Variants in PITPNB observed in about 807,000 individuals in gnomAD.
The protein encoded by PITPNB is phosphatidylinositol transfer protein beta.
A neutral mutation model predicts 45.9 loss-of-function variants in PITPNB; 16 were observed. That is an observed-to-expected ratio of 0.35 (90% confidence interval 0.24 to 0.53). The LOEUF is 0.53. PITPNB is among the 20% of genes least tolerant of loss of function. The pLI, the probability that PITPNB is intolerant of heterozygous loss-of-function variation, is 0.93. For synonymous variants in PITPNB, 112 were observed against 108.9 expected, an observed-to-expected ratio of 1.03 and a Z score of -0.18; for missense variants, 188 against 330.5, an observed-to-expected ratio of 0.57 and a Z score of 3.34.
intron 3 of PITPNB, among the ~76,000 whole-genome samples, chr22:27,904,361 A>G (rs1348905112): frequency 6.6e-6 from 1 of 152,264 alleles, no homozygotes; most frequent in Non-Finnish European, 1.5e-5. Context: ...GCTAAGTGAA[A>G]GAAGTCAATC....
chr22:27,902,536 T>C (rs770483185), intron 3 of PITPNB, among the ~76,000 whole-genome samples: 29 of 152,138 alleles, frequency 1.9e-4, no homozygotes, highest in Non-Finnish European at 2.8e-4. Context: ...TTGAGTTAAT[T>C]GCAAAAATTA....
rs541258268 is a variant in PITPNB at position 27,878,997 on chromosome 22, G to T, written c.457-5182C>A. 1.2e-4 allele frequency among the ~76,000 whole-genome samples: 18 copies of T among 151,898 alleles called. 1 individual carries two copies. Among genetic ancestry groups the T allele is most frequent in the Non-Finnish European group, 1.0e-4 (7 of 68,002 alleles). On this transcript the variant is annotated intron_variant, in intron 7 of 11. Transcript: ENST00000335272. ...TTTAAACAACTGTATTGAGAACTGA[G>T]AAATGCAGTCAAATCTACACCCCTG...
At chr22:27,871,883 G>A (rs895713923) in intron 8 of PITPNB, among the ~76,000 whole-genome samples, 1 of 151,922 alleles carries the variant, frequency 6.6e-6, no homozygotes, top group African/African-American at 2.4e-5. Flanking sequence ...GGTGATAAGT[G>A]AGCTCTCACT....
chr22:27,857,305 TATAAG>T (rs1934201382), intron 10 of PITPNB, among the ~76,000 whole-genome samples: 3 of 152,234 alleles, frequency 2.0e-5, no homozygotes, highest in African/African-American at 4.8e-5. Context: ...TTACTTTATG[TATAAG>T]ATAAGGTTAA....
intron 3 of PITPNB, among the ~76,000 whole-genome samples, chr22:27,907,081 G>C (rs750215753): frequency 1.3e-5 from 2 of 152,198 alleles, no homozygotes; most frequent in Non-Finnish European, 2.9e-5. Flanking sequence ...TTTTATTGAT[G>C]TTATATAGTG....
intron 3 of PITPNB, among the ~76,000 whole-genome samples, chr22:27,904,496 T>G (rs1416153924): frequency 6.6e-6 from 1 of 152,234 alleles, no homozygotes; most frequent in Non-Finnish European, 1.5e-5. Context: ...TGACTGCTAA[T>G]GAATACGAGA....
chr22:27,872,291 A>G (rs540921756), intron 8 of PITPNB, among the ~76,000 whole-genome samples: 34 of 151,830 alleles, frequency 2.2e-4, no homozygotes, highest in Non-Finnish European at 3.8e-4. Flanking sequence ...ATGGGGTTTC[A>G]ACATGTTGCC....
Position 27,866,306 on chromosome 22 carries a change from C to T in PITPNB, c.535-6065G>A, listed in dbSNP as rs368983256. Among the ~76,000 whole-genome samples, 12 of 152,282 alleles carry T rather than the reference C, an allele frequency of 7.9e-5. No individual in the cohort carries two copies. The East Asian group carries it at 1.2e-3, about 15-fold the overall frequency. On this transcript the variant is annotated intron_variant, in intron 8 of 11. Coordinates refer to ENST00000335272, the MANE Select transcript of PITPNB (RefSeq NM_012399.5). ...AATTCCTTACATTTCATGTTTCTAA[C>T]TGTAAATGAAACTCCCAAGCCTGAG...
chr22:27,856,891 T>C (rs1277934548), intron 10 of PITPNB, among the ~76,000 whole-genome samples: 4 of 151,988 alleles, frequency 2.6e-5, no homozygotes, highest in Non-Finnish European at 4.4e-5. Context: ...CTGGATAGGG[T>C]AGCGAGGGCC....
At chr22:27,901,212 T>G (rs958015574) in intron 3 of PITPNB, among the ~76,000 whole-genome samples, 8 of 152,164 alleles carry the variant, frequency 5.3e-5, no homozygotes, top group Non-Finnish European at 8.8e-5. Context: ...ATACCGCTTC[T>G]CCCACTCTGA....
chr22:27,903,563 C>T (rs1226523396), intron 3 of PITPNB, among the ~76,000 whole-genome samples: 1 of 150,768 alleles, frequency 6.6e-6, no homozygotes, highest in Non-Finnish European at 1.5e-5. Context: ...ATAGCTTAAG[C>T]ACCAGGAGTT....
intron 6 of PITPNB, 56 bp downstream of exon 6, chr22:27,896,496 T>G: frequency 7.3e-6 from 8 of 1,099,718 alleles, no homozygotes; most frequent in Non-Finnish European, 1.1e-5. Context: ...GTGAACTACA[T>G]ATAGAATTCT....
chr22:27,860,116 T>C lies in PITPNB; in HGVS notation c.645+15A>G. ...CATCCTAAATCTAAGTCACCACATTTTGAGCAGATTTTACCTTTTGAATGA... is the reference window on the plus strand; with the variant it reads ...CATCCTAAATCTAAGTCACCACATTCTGAGCAGATTTTACCTTTTGAATGA... On this transcript the variant is annotated intron_variant, in intron 9 of 11. Coordinates refer to ENST00000335272, the MANE Select transcript of PITPNB (RefSeq NM_012399.5). 1 of 1,470,852 alleles carries C rather than the reference T, an allele frequency of 6.8e-7. No homozygotes were observed. The highest frequency in any genetic ancestry group is 2.3e-5 in the East Asian group (1 of 44,270). 91.1% of individuals were successfully genotyped at this position (1,470,852 alleles called of 1,614,324 possible).
chr22:27,899,572 C>G (rs928685902), intron 3 of PITPNB, among the ~76,000 whole-genome samples: 4 of 152,184 alleles, frequency 2.6e-5, no homozygotes, highest in African/African-American at 9.6e-5. Flanking sequence ...ATCCGCCCGC[C>G]TTGGCCTCCC....
At chr22:27,897,178 T>C in intron 4 of PITPNB, 41 bp from the exon 5 acceptor site, 1 of 1,403,864 alleles carries the variant, frequency 7.1e-7, no homozygotes. Context: ...AGGAGAAAAA[T>C]TTCAGAATAT....
intron 7 of PITPNB, among the ~76,000 whole-genome samples, chr22:27,874,486 G>A (rs1354786353): frequency 6.6e-6 from 1 of 152,176 alleles, no homozygotes; most frequent in East Asian, 1.9e-4. Context: ...CAGGGGAAAG[G>A]CTCTAAAATG....
chr22:27,914,009 C>G (rs1936007406), intron 2 of PITPNB, among the ~76,000 whole-genome samples: 1 of 152,162 alleles, frequency 6.6e-6, no homozygotes, highest in Non-Finnish European at 1.5e-5. Flanking sequence ...AGCTACTTAA[C>G]CTTAAAGTAC....
At chr22:27,873,866 T>C (rs1402369420) in intron 7 of PITPNB, 51 bp from the exon 8 acceptor site, 3 of 1,206,678 alleles carry the variant, frequency 2.5e-6, no homozygotes, top group Non-Finnish European at 3.7e-6. Flanking sequence ...GAGAATATTC[T>C]TTAACCGTGC....
intron 8 of PITPNB, among the ~76,000 whole-genome samples, chr22:27,861,299 T>C (rs968205245): frequency 9.9e-5 from 15 of 151,782 alleles, no homozygotes; most frequent in African/African-American, 3.6e-4. Flanking sequence ...AGACTCCATC[T>C]CAAAAAATAA....
Sources: gnomAD v4.1 joint callset for allele counts (sites outside exome capture counted in the v4.1 genomes callset) on GRCh38, gnomAD v4.1.1 for gene constraint, MANE v1.5 for transcripts, NCBI Gene and HGNC (gene_info 2026-07-23, HGNC 2026-07-21) for gene names.